Variants in FBF1 observed in about 807,000 individuals in gnomAD.
FBF1 encodes the protein Fas binding factor 1.
In FBF1, 119 loss-of-function variants were observed where a neutral mutation model predicts 147.2. The ratio of observed to expected loss-of-function variants is 0.81; its 90% CI spans 0.70 to 0.94. The LOEUF is 0.94. FBF1 is among the 40% of genes least tolerant of loss of function. The probability of loss-of-function intolerance (pLI) is 0.00; values close to 1 mark genes in which losing one functional copy is unlikely to be tolerated. For missense variants in FBF1, 1,449 were observed against 1,500.8 expected (o/e 0.97, Z 0.57); for synonymous variants, 601 against 609.0 (o/e 0.99, Z 0.19).
chr17:75,932,187 C>A (rs1169592110), intron 5 of FBF1, among the ~76,000 whole-genome samples: 1 of 151,912 alleles, frequency 6.6e-6, no homozygotes, highest in African/African-American at 2.4e-5. Context: ...TCGAGACCAG[C>A]CTGGTCAACA....
chr17:75,936,981 G>A (rs992920736), intron 3 of FBF1, among the ~76,000 whole-genome samples: 1 of 151,952 alleles, frequency 6.6e-6, no homozygotes, highest in Non-Finnish European at 1.5e-5. Context: ...TATCGAATTC[G>A]TTTCCCCACA....
At position 75,913,787 on chromosome 17, in the gene FBF1, T is replaced by C; in HGVS notation, c.3162A>G (p.Gln1054=). Residue 1054 remains glutamine, a synonymous_variant, in exon 28 of 30, where the codon CAA becomes CAG. Transcript: ENST00000636174. The part of the protein sequence containing the change: ...EHLSLAQQRL[Q]LDRARQDLPS... ...GCAGGTCCTGTCGTGCGCGGTCCAG[T>C]TGCAGCCTCTGCTGGGCCAGACTCA... is the stretch of plus-strand genomic sequence containing the variant. 6.2e-7 allele frequency: 1 copy of C among 1,605,786 alleles called. No homozygotes were observed. Among genetic ancestry groups the C allele is most frequent in the Non-Finnish European group, 8.5e-7 (1 of 1,179,112 alleles).
In FBF1 at chr17:75,919,202, C is replaced by T. The variant is rs766897008; in HGVS notation, c.2138+466G>A. Among the ~76,000 whole-genome samples the T allele has an allele frequency of 3.9e-5, 6 of 152,212 alleles. No homozygotes were observed. Among genetic ancestry groups the T allele is most frequent in the East Asian group, 1.9e-4 (1 of 5,196 alleles). On this transcript the variant is annotated intron_variant, in intron 20 of 29. Coordinates refer to ENST00000636174, the MANE Select transcript of FBF1 (RefSeq NM_001319193.2). This position sits in a 1 kb window ranked among gnomAD's most constrained non-coding sequence, Gnocchi z 5.0. ...GATTACAGGTGTGAGCCACTGCACC[C>T]GGCCCTGAGCAGTCTTAAAAGGCTG...
chr17:75,916,584 A>G (rs958781602), intron 23 of FBF1, among the ~76,000 whole-genome samples: 4 of 152,226 alleles, frequency 2.6e-5, no homozygotes, highest in Non-Finnish European at 4.4e-5. Flanking sequence ...ACACCACTGC[A>G]CTCCAGCCTG....
chr17:75,927,347 G>T (rs2065568396), intron 9 of FBF1, 108 bp downstream of exon 9: 2 of 848,716 alleles, frequency 2.4e-6, no homozygotes, highest in Non-Finnish European at 3.7e-6. Context: ...TAAACCAGTG[G>T]CACCCATGTG....
chr17:75,938,297 C>T (rs982528700), intron 1 of FBF1, 65 bp from the exon 2 acceptor site: 12 of 1,210,738 alleles, frequency 9.9e-6, no homozygotes, highest in African/African-American at 6.0e-5. Context: ...CCATGGCTCA[C>T]GCCTGTTAAT....
In FBF1 at chr17:75,921,458, A is replaced by G; in HGVS notation, c.1615+14T>C. On this transcript the variant is annotated intron_variant, in intron 16 of 29. Transcript: ENST00000636174. ...GGTTAAACTCCCAAATGAAGCAGCA[A>G]ACAAAAAACAAACCAGTGGCTGAGA... 6.2e-7 allele frequency: 1 copy of G among 1,609,274 alleles called. No homozygotes were observed. The highest frequency in any genetic ancestry group is 1.7e-4 in the Middle Eastern group (1 of 6,058).
chr17:75,915,165 A>T (rs1284494375), intron 23 of FBF1, 26 bp from the exon 24 acceptor site: 3 of 1,599,234 alleles, frequency 1.9e-6, no homozygotes, highest in Non-Finnish European at 2.5e-6. Flanking sequence ...CAGGACTGAG[A>T]GCGTGGTTCC....
At position 75,927,715 on chromosome 17, in the gene FBF1, C is replaced by T. The variant is rs1047761888; in HGVS notation, c.398-183G>A. 7.2e-5 allele frequency among the ~76,000 whole-genome samples: 11 copies of T among 152,266 alleles called. No individual in the cohort carries two copies. The East Asian group carries it at 1.7e-3, about 24-fold the overall frequency. On this transcript the variant is annotated intron_variant, in intron 8 of 29. Coordinates refer to ENST00000636174, the MANE Select transcript of FBF1 (RefSeq NM_001319193.2). ...CTGCCATGGGCTTCTGGCAGGGAAA[C>T]GAGGTAGGAGCTACCTCTGCTTCCT...
At chr17:75,914,647 G>A in intron 25 of FBF1, 100 bp downstream of exon 25, 1 of 1,255,610 alleles carries the variant, frequency 8.0e-7, no homozygotes, top group Non-Finnish European at 1.1e-6. Context: ...TGTGACATTA[G>A]TGCTACACTC....
rs2065510384 is a variant in FBF1 at position 75,919,565 on chromosome 17, T to C, written c.2138+103A>G. On this transcript the variant is annotated intron_variant, in intron 20 of 29. Coordinates refer to ENST00000636174, the MANE Select transcript of FBF1 (RefSeq NM_001319193.2). This position sits in a 1 kb window ranked among gnomAD's most constrained non-coding sequence, Gnocchi z 5.0. ...GACTGGGAGGGAAGGACCCAACCCC[T>C]GTCCAAAGGCTGCTGAGCCACAGCG... is the stretch of plus-strand genomic sequence containing the variant. The C allele has an allele frequency of 6.8e-6, 9 of 1,329,850 alleles. No homozygotes were observed. Among genetic ancestry groups the C allele is most frequent in the Non-Finnish European group, 8.2e-6 (8 of 973,728 alleles). The allele number at this position is 1,329,850 out of a possible 1,614,324, so 82.4% of individuals were successfully genotyped here. A position where few individuals can be genotyped will look rare whatever the true frequency, so the allele number is the denominator to read the frequency against.
intron 28 of FBF1, 85 bp downstream of exon 28, chr17:75,913,617 G>T (rs2065468431): frequency 1.9e-6 from 2 of 1,067,500 alleles, no homozygotes; most frequent in Non-Finnish European, 2.6e-6. Flanking sequence ...GCCTTAACTG[G>T]AGCGGCTGGA....
In FBF1 at chr17:75,914,165, AG is replaced by A; in HGVS notation, c.2947del (p.Leu983CysfsTer13). 1 of 1,600,290 alleles carries A rather than the reference AG, an allele frequency of 6.2e-7. No individual in the cohort carries two copies. Among genetic ancestry groups the A allele is most frequent in the Non-Finnish European group, 8.5e-7 (1 of 1,175,892 alleles). On this transcript the variant is annotated frameshift_variant, in exon 26 of 30. Coordinates refer to ENST00000636174, the MANE Select transcript of FBF1 (RefSeq NM_001319193.2). LOFTEE classifies it high-confidence loss of function. Reference sequence around the variant, plus strand: ...CTCCTCGGCGCGGAGCTTGACACGCAGGGCGGTGGCGTTGATCCTCTCCTTC... The same window carrying A: ...CTCCTCGGCGCGGAGCTTGACACGCAGGCGGTGGCGTTGATCCTCTCCTTC... ...LEKERINATA[L>X]RVKLRAEEVE...
chr17:75,914,918 C>T lies in FBF1; in HGVS notation c.2643G>A (p.Glu881=). Residue 881 remains glutamate, a synonymous_variant, in exon 25 of 30, where the codon GAG becomes GAA. Coordinates refer to ENST00000636174, the MANE Select transcript of FBF1 (RefSeq NM_001319193.2). ...ACTTGAGCATGACAGACTTCTGCTC[C>T]TCCAGCAAGGCGCTCTGGGATGTGG... ...ELERAKSALL[E]EQKSVMLKCG... 3.1e-6 allele frequency: 5 copies of T among 1,611,706 alleles called. No individual in the cohort carries two copies. Among genetic ancestry groups the T allele is most frequent in the Non-Finnish European group, 4.2e-6 (5 of 1,178,990 alleles).
rs566591883 is a variant in FBF1, at chr17:75,932,617, G to A, written c.167+378C>T. On this transcript the variant is annotated intron_variant, in intron 5 of 29. Coordinates refer to ENST00000636174, the MANE Select transcript of FBF1 (RefSeq NM_001319193.2). ...AAAATTAGCCGGGTGGGCCGGGCAT[G>A]GTGCCTCACGCCTGTAATCCCAGCA... Among the ~76,000 whole-genome samples, 160 of 152,072 alleles carry A rather than the reference G, an allele frequency of 1.1e-3. No homozygotes were observed. The Middle Eastern group carries it at 0.034, about 32-fold the overall frequency.
chr17:75,940,043 T>G (rs2065651928), intron 1 of FBF1, among the ~76,000 whole-genome samples: 1 of 150,516 alleles, frequency 6.6e-6, no homozygotes, highest in South Asian at 2.1e-4. Context: ...CCTCCCGGGT[T>G]CAAGCGAATC....
At chr17:75,935,077 G>A (rs2065616122) in intron 4 of FBF1, among the ~76,000 whole-genome samples, 1 of 152,030 alleles carries the variant, frequency 6.6e-6, no homozygotes, top group African/African-American at 2.4e-5. Context: ...ATTAGGTAAT[G>A]TTGATGGTTG....
At chr17:75,937,669 T>C in intron 2 of FBF1, 76 bp from the exon 3 acceptor site, 1 of 1,508,406 alleles carries the variant, frequency 6.6e-7, no homozygotes. Context: ...GCAGAATGAA[T>C]TGCGTTGCCT....
chr17:75,914,731 A>G lies in FBF1; in HGVS notation c.2814+16T>C. ...CAACCCTGGGCCCTCCACTGTCCGG[A>G]GGCTCTGGGCCCTACCTTGGCCAGG... is the stretch of plus-strand genomic sequence containing the variant. On this transcript the variant is annotated intron_variant, in intron 25 of 29. Transcript: ENST00000636174. 2 of 1,540,720 alleles carry G rather than the reference A, an allele frequency of 1.3e-6. No individual in the cohort carries two copies. Among genetic ancestry groups the G allele is most frequent in the Non-Finnish European group, 1.8e-6 (2 of 1,142,448 alleles).
Sources: gnomAD v4.1 joint callset for allele counts (sites outside exome capture counted in the v4.1 genomes callset) on GRCh38, gnomAD v4.1.1 for gene constraint, Gnocchi (gnomAD v3.1) non-coding constraint, MANE v1.5 for transcripts, NCBI Gene and HGNC (gene_info 2026-07-23, HGNC 2026-07-21) for gene names.